MRC2: variants seen among roughly 807,000 people sequenced by gnomAD.
MRC2 encodes C-type mannose receptor 2.
MRC2 carries 84 observed loss-of-function variants against 206.2 expected under a neutral mutation model. The ratio of observed to expected loss-of-function variants is 0.41; its 90% CI spans 0.34 to 0.49. The LOEUF is 0.49. MRC2 is among the 20% of genes least tolerant of loss of function. The pLI is 0.31. For missense variants in MRC2, 1,676 were observed against 2,001.5 expected, an observed-to-expected ratio of 0.84 and a Z score of 3.10; for synonymous variants, 798 against 800.0, an observed-to-expected ratio of 1.00 and a Z score of 0.04.
At position 62,682,299 on chromosome 17, in the gene MRC2, C is replaced by T. The variant is rs2088977982; in HGVS notation, c.2868C>T (p.Thr956=). The T allele has an allele frequency of 6.2e-7, 1 of 1,605,550 alleles. No homozygotes were observed. The highest frequency in any genetic ancestry group is 8.5e-7 in the Non-Finnish European group (1 of 1,176,064). ...LPYICKRSNV[T]KETQPPDLPT... ...ACATCTGCAAGCGCAGCAACGTCAC[C>T]AAAGAAACGCAGCCCCCAGACCTGC... The change falls in exon 20 of 30, where the codon ACC becomes ACT. Residue 956 remains threonine, a synonymous_variant. Transcript: ENST00000303375.
rs1447539975 is a variant in MRC2 at position 62,664,014 on chromosome 17, C to T, written c.119-534C>T. ...TCGCTCTGTCGCCCAGGCTGGAGTG[C>T]AGTGGCGGGATCTCGGCTCACTGCA... is the stretch of plus-strand genomic sequence containing the variant. On this transcript the variant is annotated intron_variant, in intron 1 of 29. Transcript: ENST00000303375. The surrounding 1 kb of genome is among the most constrained non-coding windows in gnomAD (Gnocchi z 4.7). Among the ~76,000 whole-genome samples, 13 of 142,494 alleles carry T rather than the reference C, an allele frequency of 9.1e-5. No homozygotes were observed. The highest frequency in any genetic ancestry group is 2.7e-4 in the African/African-American group (10 of 37,158). The allele number at this position is 142,494 out of a possible 152,430, so 93.5% of individuals were successfully genotyped here. A position where few individuals can be genotyped will look rare whatever the true frequency, so the allele number is the denominator to read the frequency against.
intron 1 of MRC2, among the ~76,000 whole-genome samples, chr17:62,647,954 G>A (rs1395014556): frequency 6.6e-6 from 1 of 152,170 alleles, no homozygotes; most frequent in Non-Finnish European, 1.5e-5. Flanking sequence ...ATTGGTCTAC[G>A]CAGTGGACAG....
rs1486166987 is a variant in MRC2 at position 62,692,381 on chromosome 17, C to T, written c.4370C>T (p.Ser1457Phe). The T allele has an allele frequency of 1.3e-6, 2 of 1,573,956 alleles. No individual in the cohort carries two copies. The highest frequency in any genetic ancestry group is 1.3e-5 in the African/African-American group (1 of 74,320). The change falls in exon 30 of 30, where the codon TCC becomes TTC. Residue 1457 changes from serine to phenylalanine, a missense_variant. By Grantham distance (155) the Ser-to-Phe change is radical (BLOSUM62 -2). Coordinates refer to ENST00000303375, the MANE Select transcript of MRC2 (RefSeq NM_006039.5). The surrounding 1 kb of genome is among the most constrained non-coding windows in gnomAD (Gnocchi z 4.2). ...FEGARYSRSS[S>F]SPTEATEKNI... ...GGTGCCCGCTACAGCCGCAGCAGCT[C>T]CAGCCCCACCGAGGCCACTGAGAAG... is the stretch of plus-strand genomic sequence containing the variant.
At chr17:62,632,995 G>A (rs1351158087) in intron 1 of MRC2, among the ~76,000 whole-genome samples, 1 of 152,120 alleles carries the variant, frequency 6.6e-6, no homozygotes, top group Non-Finnish European at 1.5e-5. Flanking sequence ...GGACAGAGTC[G>A]GTGGGACCAG....
chr17:62,674,415 G>T (rs919638636), intron 9 of MRC2, among the ~76,000 whole-genome samples: 1 of 152,092 alleles, frequency 6.6e-6, no homozygotes, highest in African/African-American at 2.4e-5. Context: ...CCTCCCCATG[G>T]GGGAAGCCAC....
At chr17:62,636,149 G>T (rs1329204659) in intron 1 of MRC2, among the ~76,000 whole-genome samples, 1 of 151,498 alleles carries the variant, frequency 6.6e-6, no homozygotes, top group Non-Finnish European at 1.5e-5. Flanking sequence ...AGCTACTCAG[G>T]AGGCTGAGGC....
chr17:62,679,072 C>T (rs1367899087), intron 13 of MRC2, among the ~76,000 whole-genome samples: 4 of 152,092 alleles, frequency 2.6e-5, no homozygotes, highest in Admixed American at 6.5e-5. Flanking sequence ...GGAGAAAGGC[C>T]GCAGCTATGA....
chr17:62,640,406 G>T (rs917399664), intron 1 of MRC2, among the ~76,000 whole-genome samples: 7 of 152,158 alleles, frequency 4.6e-5, no homozygotes, highest in African/African-American at 1.2e-4. Flanking sequence ...TGGTGAGCAG[G>T]CTAGGCATGA....
At chr17:62,636,645 T>C (rs367896734) in intron 1 of MRC2, among the ~76,000 whole-genome samples, 5 of 151,880 alleles carry the variant, frequency 3.3e-5, no homozygotes, top group South Asian at 4.2e-4. Context: ...ATTTTGTTTT[T>C]GAATTTTTAG....
chr17:62,667,824 C>G lies in MRC2; in HGVS notation c.1117+291C>G, dbSNP rs2088777091. Reference sequence around the variant, plus strand: ...TGACAGACATCTCAATGCAGTTAGACTATCCCAGGTCATGAGTGATTATAG... The same window carrying G: ...TGACAGACATCTCAATGCAGTTAGAGTATCCCAGGTCATGAGTGATTATAG... On this transcript the variant is annotated intron_variant, in intron 6 of 29. Coordinates refer to ENST00000303375, the MANE Select transcript of MRC2 (RefSeq NM_006039.5). The surrounding 1 kb of genome is among the most constrained non-coding windows in gnomAD (Gnocchi z 4.1). 6.6e-6 allele frequency among the ~76,000 whole-genome samples: 1 copy of G among 152,342 alleles called. No homozygotes were observed. The highest frequency in any genetic ancestry group is 3.4e-3 in the Middle Eastern group (1 of 294).
Position 62,640,640 on chromosome 17 carries a change from A to T in MRC2, c.118+12720A>T, listed in dbSNP as rs1199062472. Among the ~76,000 whole-genome samples the T allele has an allele frequency of 2.0e-4, 30 of 151,926 alleles. 1 individual carries two copies. The highest frequency in any genetic ancestry group is 2.9e-5 in the Non-Finnish European group (2 of 67,970). ...GTGATCTTCCCCCCTCAGCCTCCGC[A>T]GTAGCTGAGAATACAAGCACACCAC... On this transcript the variant is annotated intron_variant, in intron 1 of 29. Coordinates refer to ENST00000303375, the MANE Select transcript of MRC2 (RefSeq NM_006039.5).
chr17:62,660,400 A>T (rs1415977605), intron 1 of MRC2, among the ~76,000 whole-genome samples: 1 of 152,224 alleles, frequency 6.6e-6, no homozygotes, highest in African/African-American at 2.4e-5. Context: ...GTGCATTTGC[A>T]GGGTAGGGTT....
At chr17:62,645,207 G>T (rs539951958) in intron 1 of MRC2, among the ~76,000 whole-genome samples, 1 of 151,744 alleles carries the variant, frequency 6.6e-6, no homozygotes, top group Non-Finnish European at 1.5e-5. Flanking sequence ...ATTTACTAAC[G>T]GTAAATTTAC....
intron 1 of MRC2, among the ~76,000 whole-genome samples, chr17:62,635,069 G>T (rs191197743): frequency 6.6e-6 from 1 of 151,686 alleles, no homozygotes; most frequent in Non-Finnish European, 1.5e-5. Flanking sequence ...GACCTCAGGC[G>T]ATCCACCCGC....
At chr17:62,639,208 C>A (rs1292514065) in intron 1 of MRC2, among the ~76,000 whole-genome samples, 1 of 152,008 alleles carries the variant, frequency 6.6e-6, no homozygotes, top group Non-Finnish European at 1.5e-5. Context: ...TGGTGGCACA[C>A]TCCTGTAATC....
chr17:62,677,919 A>G lies in MRC2; in HGVS notation c.2052+433A>G, dbSNP rs532300782. ...CAAAAAATTAGCCAGGTGTGGTGGC[A>G]GGCGCCTGTTGTCCCAGCTACTCGG... On this transcript the variant is annotated intron_variant, in intron 12 of 29. Transcript: ENST00000303375. 2.6e-5 allele frequency among the ~76,000 whole-genome samples: 4 copies of G among 152,272 alleles called. No homozygotes were observed. The East Asian group carries it at 5.8e-4, about 22-fold the overall frequency.
At position 62,693,531 on chromosome 17, in the gene MRC2, G is replaced by A. The variant is rs919431976; in HGVS notation, c.*1080G>A. On this transcript the variant is annotated 3_prime_UTR_variant, in exon 30 of 30. Transcript: ENST00000303375. ...TTGATTTTTTAAATGTGCCATTATT[G>A]TTTTTAAAAAAAAAGGAAAAAAGAA... The A allele has an allele frequency of 5.3e-5, 8 of 152,244 alleles. No homozygotes were observed. Among genetic ancestry groups the A allele is most frequent in the African/African-American group, 1.9e-4 (8 of 41,344 alleles). The allele number at this position is 152,244 out of a possible 1,614,324, so 9.4% of individuals were successfully genotyped here. A position where few individuals can be genotyped will look rare whatever the true frequency, so the allele number is the denominator to read the frequency against.
In MRC2 at chr17:62,666,246, TG is replaced by T; in HGVS notation, c.677del (p.Gly226AlafsTer19). ...TTQDYGKDER[W>X]GFCPIKSNDC... ...CCAGGACTACGGCAAAGACGAGCGC[TG>T]GGGCTTCTGCCCCATCAAGAGTGAG... On this transcript the variant is annotated frameshift_variant, in exon 3 of 30. Coordinates refer to ENST00000303375, the MANE Select transcript of MRC2 (RefSeq NM_006039.5). LOFTEE classifies it high-confidence loss of function. This position sits in a 1 kb window ranked among gnomAD's most constrained non-coding sequence, Gnocchi z 5.0. 1 of 1,587,092 alleles carries T rather than the reference TG, an allele frequency of 6.3e-7. No individual in the cohort carries two copies. The highest frequency in any genetic ancestry group is 8.6e-7 in the Non-Finnish European group (1 of 1,167,952).
At chr17:62,689,815 T>C in intron 24 of MRC2, 55 bp downstream of exon 24, 2 of 1,529,794 alleles carry the variant, frequency 1.3e-6, no homozygotes, top group Non-Finnish European at 1.8e-6. Context: ...TTCCCCTCCC[T>C]GCCCCTTCCT....
Sources: gnomAD v4.1 joint callset for allele counts (sites outside exome capture counted in the v4.1 genomes callset) on GRCh38, gnomAD v4.1.1 for gene constraint, Gnocchi (gnomAD v3.1) non-coding constraint, MANE v1.5 for transcripts, NCBI Gene and HGNC (gene_info 2026-07-23, HGNC 2026-07-21) for gene names.